Variants in DUS1L observed in about 807,000 individuals in gnomAD.
DUS1L encodes the protein tRNA-dihydrouridine(16/17) synthase [NAD(P)(+)]-like.
Under a neutral mutation model 61.2 loss-of-function variants are expected in DUS1L, and 56 were observed. That is an observed-to-expected ratio of 0.92 (90% CI 0.74 to 1.14). The LOEUF is 1.14. DUS1L is among the 50% of genes most tolerant of loss of function. DUS1L has a pLI of 0.00. For synonymous variants in DUS1L, 278 were observed against 259.5 expected (o/e 1.07, Z -0.69); for missense variants, 630 against 632.4 (o/e 1.00, Z 0.04).
At chr17:82,059,370 G>A (rs1901503853) in intron 11 of DUS1L, 1 of 169,752 alleles carries the variant, frequency 5.9e-6, no homozygotes, top group Non-Finnish European at 1.3e-5. Flanking sequence ...AAGGTTTCAG[G>A]GTTATCGCTG....
chr17:82,061,857 C>T, intron 6 of DUS1L, 44 bp downstream of exon 6: 1 of 1,587,540 alleles, frequency 6.3e-7, no homozygotes, highest in South Asian at 1.1e-5. Context: ...GGACCCCCAG[C>T]AAAGCCCCAA....
chr17:82,058,752 T>C, intron 12 of DUS1L, 29 bp downstream of exon 12: 1 of 1,613,100 alleles, frequency 6.2e-7, no homozygotes, highest in Non-Finnish European at 8.5e-7. Context: ...AGCTGAAGCC[T>C]TGGTGGCTTG....
chr17:82,060,277 T>A, intron 10 of DUS1L, 184 bp from the exon 11 acceptor site: 5 of 747,638 alleles, frequency 6.7e-6, no homozygotes, highest in Non-Finnish European at 8.4e-6. Context: ...CCGGGGCCTC[T>A]GAGATGGAGT....
Position 82,060,696 on chromosome 17 carries a change from C to G in DUS1L, c.1022+5G>C. On this transcript the variant is annotated splice_donor_5th_base_variant and intron_variant, in intron 10 of 13. Transcript: ENST00000306796. ...ATCCCCGCCCAGGGCTGGCTGGGCTCTCACCCCGGCCGGATGTAGGGCTGG... is the reference window on the plus strand; with the variant it reads ...ATCCCCGCCCAGGGCTGGCTGGGCTGTCACCCCGGCCGGATGTAGGGCTGG... 1 of 1,612,286 alleles carries G rather than the reference C, an allele frequency of 6.2e-7. No homozygotes were observed. Among genetic ancestry groups the G allele is most frequent in the Non-Finnish European group, 8.5e-7 (1 of 1,179,688 alleles).
Position 82,065,061 on chromosome 17 carries a change from G to A in DUS1L, c.-2C>T, listed in dbSNP as rs774630368. On this transcript the variant is annotated 5_prime_UTR_variant, in exon 2 of 14. In the 5' UTR this introduces an upstream ATG that the reference lacks. Transcript: ENST00000306796. ...CTCGAAGCCCTGCAGCTTTGGCATC[G>A]TCTCCAGGCTGGGGGAAAGGCGCAG... is the stretch of plus-strand genomic sequence containing the variant. The A allele has an allele frequency of 3.8e-6, 6 of 1,589,730 alleles. No individual in the cohort carries two copies. The African/African-American group carries it at 5.4e-5, about 14-fold the overall frequency.
In DUS1L at chr17:82,061,369, C is replaced by G; in HGVS notation, c.698-16G>C. 6.4e-6 allele frequency: 10 copies of G among 1,557,014 alleles called. No individual in the cohort carries two copies. The highest frequency in any genetic ancestry group is 8.7e-6 in the Non-Finnish European group (10 of 1,148,060). On this transcript the variant is annotated splice_polypyrimidine_tract_variant and intron_variant, in intron 7 of 13. Transcript: ENST00000306796. ...AGGTTGCCCTCTGTGGGAGGAGGAG[C>G]GGGGAAGGACACCTCGTGGGTTGCT...
chr17:82,058,588 C>A, intron 12 of DUS1L, 172 bp from the exon 13 acceptor site: 1 of 1,457,770 alleles, frequency 6.9e-7, no homozygotes, highest in Non-Finnish European at 9.0e-7. Context: ...CCCACCCAGA[C>A]TCTCTTCCCC....
chr17:82,060,706 C>T lies in DUS1L; in HGVS notation c.1017G>A (p.Arg339=), dbSNP rs1462132432. The change falls in exon 10 of 14, where the codon CGG becomes CGA. Residue 339 remains arginine (R), a synonymous_variant. Coordinates refer to ENST00000306796, the MANE Select transcript of DUS1L (RefSeq NM_022156.5). ...PFHWICQPYI[R]PGPREGSKEK... ...AGGGCTGGCTGGGCTCTCACCCCGG[C>T]CGGATGTAGGGCTGGCAGATCCAGT... 3 of 1,612,572 alleles carry T rather than the reference C, an allele frequency of 1.9e-6. No homozygotes were observed. In the African/African-American group the frequency reaches 4.0e-5, roughly 22 times the overall value.
chr17:82,060,784 C>T (rs1363588785), upstream of DUS1L: 2 of 1,612,194 alleles, frequency 1.2e-6, no homozygotes, highest in Admixed American at 3.3e-5. Flanking sequence ...ATATCTCCTC[C>T]TGCAAAAGCC....
At chr17:82,059,815 C>T (rs2033378426) in intron 11 of DUS1L, 133 bp downstream of exon 11, 3 of 1,335,910 alleles carry the variant, frequency 2.2e-6, no homozygotes, top group Non-Finnish European at 1.0e-6. Flanking sequence ...TCCGCCAAGC[C>T]CTCCAGGTGT....
rs765701660 is a variant in DUS1L at position 82,062,009 on chromosome 17, C to T, written c.511-26G>A. The T allele has an allele frequency of 5.2e-6, 8 of 1,546,192 alleles. No individual in the cohort carries two copies. In the South Asian group the frequency reaches 9.6e-5, roughly 18 times the overall value. ...CTAGGACAGAGCAGTGGTCGCTTGA[C>T]CCCTCCAAGCCCCTTCCGCCCCTCA... is the stretch of plus-strand genomic sequence containing the variant. On this transcript the variant is annotated intron_variant, in intron 5 of 13. Coordinates refer to ENST00000306796, the MANE Select transcript of DUS1L (RefSeq NM_022156.5).
At position 82,061,369 on chromosome 17, in the gene DUS1L, C is replaced by A. The variant is rs370137276; in HGVS notation, c.698-16G>T. 6.4e-7 allele frequency: 1 copy of A among 1,557,014 alleles called. No individual in the cohort carries two copies. Among genetic ancestry groups the A allele is most frequent in the Non-Finnish European group, 8.7e-7 (1 of 1,148,060 alleles). On this transcript the variant is annotated splice_polypyrimidine_tract_variant and intron_variant, in intron 7 of 13. Transcript: ENST00000306796. Reference sequence around the variant, plus strand: ...AGGTTGCCCTCTGTGGGAGGAGGAGCGGGGAAGGACACCTCGTGGGTTGCT... The same window carrying A: ...AGGTTGCCCTCTGTGGGAGGAGGAGAGGGGAAGGACACCTCGTGGGTTGCT...
At chr17:82,062,442 C>A (rs557922843) in intron 5 of DUS1L, among the ~76,000 whole-genome samples, 21 of 152,340 alleles carry the variant, frequency 1.4e-4, no homozygotes. Context: ...GGGGCACCCC[C>A]GGAGACAGCA....
At chr17:82,058,576 C>A (rs4280314) in intron 12 of DUS1L, 160 bp from the exon 13 acceptor site, 1,347,271 of 1,447,922 alleles carry the variant, frequency 0.93, 627,192 homozygotes, top group East Asian at 1. Flanking sequence ...CCCTCACCCC[C>A]ACCCACCCAG....
At chr17:82,059,113 A>C in intron 11 of DUS1L, 1 of 449,084 alleles carries the variant, frequency 2.2e-6, no homozygotes. Context: ...CCAGGCAGGG[A>C]CAAGGGGAGC....
At chr17:82,063,671 G>A (rs769762275) in intron 3 of DUS1L, among the ~76,000 whole-genome samples, 153 bp from the exon 4 acceptor site, 11 of 152,246 alleles carry the variant, frequency 7.2e-5, no homozygotes, top group Non-Finnish European at 1.0e-4. Flanking sequence ...AGTGTCTCCA[G>A]TTGGGGCAGT....
chr17:82,058,608 G>A (rs1197462386), intron 12 of DUS1L, 173 bp downstream of exon 12: 2 of 1,482,228 alleles, frequency 1.3e-6, no homozygotes, highest in Non-Finnish European at 1.8e-6. Flanking sequence ...CTCCAGGCCT[G>A]GGCAGGGGCT....
At chr17:82,061,588 G>A (rs766391943) in intron 7 of DUS1L, 30 bp downstream of exon 7, 2 of 1,595,268 alleles carry the variant, frequency 1.3e-6, no homozygotes, top group Non-Finnish European at 8.5e-7. Context: ...TGTGCATGGG[G>A]CCCTGGCTGC....
rs2033460093 is a variant in DUS1L at position 82,060,928 on chromosome 17, C to T, written c.876G>A (p.Leu292=). 1.2e-6 allele frequency: 2 copies of T among 1,610,920 alleles called. No individual in the cohort carries two copies. The change falls in exon 9 of 14, where the codon CTG becomes CTA. Residue 292 remains leucine, a synonymous_variant. Coordinates refer to ENST00000306796, the MANE Select transcript of DUS1L (RefSeq NM_022156.5). ...LQVHQELREE[L]AKVKTLEGIA... is the part of the protein sequence containing the mutation. The stretch of plus-strand genomic sequence containing the variant: ...TGCCCTCCAGGGTCTTCACCTTGGC[C>T]AGCTCCTCTCGCAGCTCCTGGTGCA...
Sources: allele counts gnomAD v4.1 joint callset (sites outside exome capture counted in the v4.1 genomes callset), GRCh38; gene constraint gnomAD v4.1.1; transcripts MANE v1.5; gene names NCBI Gene and HGNC (gene_info 2026-07-23, HGNC 2026-07-21).